The following DEFB112 variants were observed in gnomAD, a reference collection of about 807,000 sequenced individuals.
DEFB112 encodes the protein beta-defensin 112.
DEFB112 carries 2 observed loss-of-function variants against 1.1 expected under a neutral mutation model. The ratio of observed to expected loss-of-function variants is 1.85; its 90% confidence interval spans 0.76 to 5.83. DEFB112 has a LOEUF of 5.83. Among genes scored for constraint, DEFB112 ranks in the 30% most tolerant of loss-of-function variants. DEFB112 has a pLI of 0.05. For synonymous variants in DEFB112, 40 were observed against 31.2 expected (o/e 1.28, Z -0.93); for missense variants, 120 against 94.4 (o/e 1.27, Z -1.12).
Position 50,043,769 on chromosome 6 carries a change from T to C in DEFB112, c.91A>G (p.Arg31Gly). ...CCAATCGCTGTACATGACTTCCACC[T>C]ACTAAAGGTGATATGGTGCCCTTCA... ...RSEGHHITFSRWKSCTAIGGR... is the reference protein window; with the variant it reads ...RSEGHHITFSGWKSCTAIGGR... Residue 31 changes from arginine to glycine, a missense_variant, in exon 2 of 2, where the codon AGG (arginine) becomes GGG (glycine). Transcript: ENST00000651554. 1 of 1,613,404 alleles carries C rather than the reference T, an allele frequency of 6.2e-7. No homozygotes were observed. The highest frequency in any genetic ancestry group is 8.5e-7 in the Non-Finnish European group (1 of 1,179,482).
At chr6:50,045,916 CA>C (rs1317143172) in intron 1 of DEFB112, among the ~76,000 whole-genome samples, 1 of 152,018 alleles carries the variant, frequency 6.6e-6, no homozygotes, top group Non-Finnish European at 1.5e-5. Context: ...CAGAATGGTG[CA>C]AAAAAGACAT....
intron 1 of DEFB112, among the ~76,000 whole-genome samples, chr6:50,047,276 G>A (rs1032750510): frequency 6.6e-6 from 1 of 152,168 alleles, no homozygotes; most frequent in African/African-American, 2.4e-5. Context: ...TCAGTCTTCA[G>A]GTACTGGTCT....
rs1218572097 is a variant in DEFB112 at position 50,042,623 on chromosome 6, T to G, written c.*952A>C. ...GCCCTGCAAAACCATCACCTATTTT[T>G]AGAGTTGATATTTCAAAATGTTTGA... is the stretch of plus-strand genomic sequence containing the variant. On this transcript the variant is annotated 3_prime_UTR_variant, in exon 2 of 2. Coordinates refer to ENST00000651554, the MANE Select transcript of DEFB112 (RefSeq NM_001369057.2). Among the ~76,000 whole-genome samples the G allele has an allele frequency of 6.6e-6, 1 of 152,020 alleles. No individual in the cohort carries two copies. Among genetic ancestry groups the G allele is most frequent in the Admixed American group, 6.6e-5 (1 of 15,234 alleles).
At position 50,043,675 on chromosome 6, in the gene DEFB112, T is replaced by A. The variant is rs1561998891; in HGVS notation, c.185A>T (p.His62Leu). 2 of 1,613,502 alleles carry A rather than the reference T, an allele frequency of 1.2e-6. No individual in the cohort carries two copies. Among genetic ancestry groups the A allele is most frequent in the Non-Finnish European group, 1.7e-6 (2 of 1,179,620 alleles). Residue 62 changes from histidine (H) to leucine (L), a missense_variant, in exon 2 of 2, where the codon CAT (histidine) becomes CTT (leucine). His to Leu is a moderately conservative substitution (Grantham distance 99). Transcript: ENST00000651554. ...AGGGTCACATTCTGTCACGCAGCAATGAGTTGTAGGTCTTGCACAGTATGA... is the reference window on the plus strand; with the variant it reads ...AGGGTCACATTCTGTCACGCAGCAAAGAGTTGTAGGTCTTGCACAGTATGA... ...RISYCARPTT[H>L]CCVTECDPTD...
intron 1 of DEFB112, among the ~76,000 whole-genome samples, chr6:50,046,787 A>G (rs965819439): frequency 1.3e-5 from 2 of 152,180 alleles, no homozygotes; most frequent in Non-Finnish European, 2.9e-5. Flanking sequence ...GAACTGAAGG[A>G]AATTTTGCCA....
At chr6:50,049,079 TA>T (rs1774886278) in intron 1 of DEFB112, among the ~76,000 whole-genome samples, 2 of 152,144 alleles carry the variant, frequency 1.3e-5, no homozygotes, top group South Asian at 4.1e-4. Context: ...TTATCTGATT[TA>T]AATTAACTCC....
intron 1 of DEFB112, among the ~76,000 whole-genome samples, chr6:50,044,919 A>C (rs892377852): frequency 6.6e-6 from 1 of 151,924 alleles, no homozygotes; most frequent in Non-Finnish European, 1.5e-5. Flanking sequence ...CATATATATC[A>C]TTTTATATAA....
chr6:50,045,934 A>G (rs960049372), intron 1 of DEFB112, among the ~76,000 whole-genome samples: 3 of 152,184 alleles, frequency 2.0e-5, no homozygotes, highest in Non-Finnish European at 2.9e-5. Flanking sequence ...ACATACGTTC[A>G]GTGGATACAA....
At position 50,042,669 on chromosome 6, in the gene DEFB112, C is replaced by G. The variant is rs1582380146; in HGVS notation, c.*906G>C. Among the ~76,000 whole-genome samples, 1 of 151,818 alleles carries G rather than the reference C, an allele frequency of 6.6e-6. No homozygotes were observed. Among genetic ancestry groups the G allele is most frequent in the East Asian group, 1.9e-4 (1 of 5,170 alleles). On this transcript the variant is annotated 3_prime_UTR_variant, in exon 2 of 2. Transcript: ENST00000651554. ...TTTGAATAAGGGGAAAATCTTTAAT[C>G]TAGGTGAGGTATTAAGACCAACTGC...
chr6:50,046,169 T>G (rs189124162), intron 1 of DEFB112, among the ~76,000 whole-genome samples: 1 of 151,546 alleles, frequency 6.6e-6, no homozygotes, highest in East Asian at 1.9e-4. Context: ...GATGATATTT[T>G]CAACTCAAAA....
chr6:50,048,397 A>G, intron 1 of DEFB112: 1 of 759,200 alleles, frequency 1.3e-6, no homozygotes, highest in South Asian at 1.7e-5. Flanking sequence ...TTCAGTCTTC[A>G]TAAAGCTATG....
chr6:50,048,401 A>C, intron 1 of DEFB112: 1 of 768,168 alleles, frequency 1.3e-6, no homozygotes, highest in Non-Finnish European at 2.1e-6. Flanking sequence ...GTCTTCATAA[A>C]GCTATGAGGT....
chr6:50,048,642 A>G (rs1181851057), intron 1 of DEFB112: 8 of 1,610,430 alleles, frequency 5.0e-6, no homozygotes, highest in Non-Finnish European at 6.8e-6. Flanking sequence ...ATGGTTGTCA[A>G]TAATTTCATA....
At position 50,043,615 on chromosome 6, in the gene DEFB112, A is replaced by T. The variant is rs1450608026; in HGVS notation, c.245T>A (p.Val82Glu). 6.2e-7 allele frequency: 1 copy of T among 1,613,494 alleles called. No individual in the cohort carries two copies. Among genetic ancestry groups the T allele is most frequent in the Non-Finnish European group, 8.5e-7 (1 of 1,179,594 alleles). Reference protein sequence around the residue: ...DPNNWIPKDSVGTQEWYPKDS... With the variant: ...DPNNWIPKDSEGTQEWYPKDS... ...TTTAGGGTACCATTCTTGAGTCCCT[A>T]CTGAGTCCTTTGGGATCCAATTATT... Residue 82 changes from valine (V) to glutamate (E), a missense_variant, in exon 2 of 2, where the codon GTA (valine) becomes GAA (glutamate). Coordinates refer to ENST00000651554, the MANE Select transcript of DEFB112 (RefSeq NM_001369057.2).
At chr6:50,045,716 C>T (rs1774820500) in intron 1 of DEFB112, among the ~76,000 whole-genome samples, 1 of 152,082 alleles carries the variant, frequency 6.6e-6, no homozygotes, top group African/African-American at 2.4e-5. Flanking sequence ...CATACCTAGG[C>T]TGTAAGGTAT....
At position 50,043,573 on chromosome 6, in the gene DEFB112, C is replaced by CT; in HGVS notation, c.*1dup. ...GTATCATCTTCTTGTGCATGGATTT[C>CT]TTCAATGACGTGAGTCTTTAGGGTA... is the stretch of plus-strand genomic sequence containing the variant. On this transcript the variant is annotated 3_prime_UTR_variant, in exon 2 of 2. Transcript: ENST00000651554. 6.2e-7 allele frequency: 1 copy of CT among 1,610,128 alleles called. No individual in the cohort carries two copies. Among genetic ancestry groups the CT allele is most frequent in the South Asian group, 1.1e-5 (1 of 90,908 alleles).
chr6:50,044,467 T>A lies in DEFB112; in HGVS notation c.59-666A>T, dbSNP rs539299724. On this transcript the variant is annotated intron_variant, in intron 1 of 1. Coordinates refer to ENST00000651554, the MANE Select transcript of DEFB112 (RefSeq NM_001369057.2). ...CTGAAGTTTCCAATGCTATAGAAAA[T>A]TTTTAAAAATGTCTCTAATCTCACT... Among the ~76,000 whole-genome samples the A allele has an allele frequency of 7.5e-3, 1,146 of 152,128 alleles. 20 individuals are homozygous for A. Among genetic ancestry groups the A allele is most frequent in the African/African-American group, 0.026 (1,059 of 41,512 alleles).
At chr6:50,047,103 T>C (rs1487066301) in intron 1 of DEFB112, among the ~76,000 whole-genome samples, 2 of 152,156 alleles carry the variant, frequency 1.3e-5, no homozygotes, top group Admixed American at 1.3e-4. Context: ...AGAGAAACTC[T>C]GGAAACCGAG....
intron 1 of DEFB112, 30 bp from the exon 2 acceptor site, chr6:50,043,831 G>T (rs1356098391): frequency 1.1e-5 from 17 of 1,589,374 alleles, no homozygotes; most frequent in Non-Finnish European, 1.4e-5. Context: ...GCTGGAATTA[G>T]TAATCTAGGT....
Sources: gnomAD v4.1 joint callset for allele counts (sites outside exome capture counted in the v4.1 genomes callset) on GRCh38, gnomAD v4.1.1 for gene constraint, MANE v1.5 for transcripts, NCBI Gene and HGNC (gene_info 2026-07-23, HGNC 2026-07-21) for gene names.